Variants in CFAP61 observed in about 807,000 individuals in gnomAD.
The protein encoded by CFAP61 is cilia and flagella associated protein 61, also known as cilia- and flagella-associated protein 61.
Under a neutral mutation model 135.6 loss-of-function variants are expected in CFAP61, and 107 were observed. The observed-to-expected ratio is 0.79, with a 90% confidence interval of 0.67 to 0.93. The LOEUF (loss-of-function observed/expected upper bound fraction) is 0.93, where lower values mean the gene tolerates loss of function less well. Ranked by LOEUF, CFAP61 falls within the 40% of genes least tolerant of loss-of-function variation. The pLI is 0.00. For synonymous variants in CFAP61, 575 were observed against 578.5 expected (o/e 0.99, Z 0.09); for missense variants, 1,507 against 1,556.2 (o/e 0.97, Z 0.53).
At chr20:20,143,674 T>C (rs2051610802) in intron 9 of CFAP61, among the ~76,000 whole-genome samples, 1 of 152,176 alleles carries the variant, frequency 6.6e-6, no homozygotes, top group Non-Finnish European at 1.5e-5. Flanking sequence ...TTGTTTGCCT[T>C]GACAGACCTT....
chr20:20,122,298 G>A (rs2049716878), intron 8 of CFAP61, among the ~76,000 whole-genome samples: 1 of 152,078 alleles, frequency 6.6e-6, no homozygotes, highest in African/African-American at 2.4e-5. Context: ...TGGGACTACA[G>A]GGGTGCACCA....
intron 21 of CFAP61, among the ~76,000 whole-genome samples, chr20:20,268,963 C>T (rs1039617028): frequency 5.9e-5 from 9 of 151,818 alleles, no homozygotes; most frequent in Non-Finnish European, 1.0e-4. Context: ...CCACTGCATG[C>T]ATCATCGAAC....
At chr20:20,315,750 A>C (rs1301229938) in intron 25 of CFAP61, among the ~76,000 whole-genome samples, 3 of 152,168 alleles carry the variant, frequency 2.0e-5, no homozygotes, top group Middle Eastern at 3.2e-3. Context: ...TCAGCTTTCT[A>C]CATATGGCTA....
chr20:20,164,282 G>C lies in CFAP61; in HGVS notation c.1205+54G>C, dbSNP rs1425406848. 8 of 1,527,708 alleles carry C rather than the reference G, an allele frequency of 5.2e-6. No individual in the cohort carries two copies. The African/African-American group carries it at 5.5e-5, about 11-fold the overall frequency. 94.6% of individuals were successfully genotyped at this position (1,527,708 alleles called of 1,614,324 possible). On this transcript the variant is annotated intron_variant, in intron 11 of 26. Transcript: ENST00000245957. Reference sequence around the variant, plus strand: ...ACAGTGAGAATCTTTTCTGGCATTGGTGGCCCAACATTTTAACTTTACAGA... The same window carrying C: ...ACAGTGAGAATCTTTTCTGGCATTGCTGGCCCAACATTTTAACTTTACAGA...
intron 8 of CFAP61, among the ~76,000 whole-genome samples, chr20:20,124,176 A>G (rs1303751878): frequency 6.6e-6 from 1 of 151,482 alleles, no homozygotes; most frequent in African/African-American, 2.4e-5. Flanking sequence ...CAATCATCTC[A>G]TTGGTAAACA....
intron 15 of CFAP61, among the ~76,000 whole-genome samples, chr20:20,193,373 A>G (rs1041798028): frequency 2.6e-5 from 4 of 152,070 alleles, no homozygotes; most frequent in Admixed American, 1.3e-4. Context: ...AATTTTATCA[A>G]ATGTGTTTTT....
At chr20:20,356,290 AC>A (rs1467768233) in intron 26 of CFAP61, among the ~76,000 whole-genome samples, 1 of 136,698 alleles carries the variant, frequency 7.3e-6, no homozygotes, top group African/African-American at 2.8e-5. Context: ...GGTGGTAGTC[AC>A]ACTGAGAGGA....
In CFAP61 at chr20:20,277,259, T is replaced by A; in HGVS notation, c.2597T>A (p.Val866Glu). Residue 866 changes from valine to glutamate, a missense_variant, in exon 22 of 27, where the codon GTG (valine) becomes GAG (glutamate). Transcript: ENST00000245957. ...GTGAGCGGCAGCCGCATCCACCTCG[T>A]GCAGCCCCCGCCCGCCTCCACCATC... Reference protein sequence around the residue: ...LGVSGSRIHLVQPPPASTITC... With the variant: ...LGVSGSRIHLEQPPPASTITC... 2.5e-6 allele frequency: 4 copies of A among 1,614,062 alleles called. No individual in the cohort carries two copies. The highest frequency in any genetic ancestry group is 3.4e-6 in the Non-Finnish European group (4 of 1,180,032).
Position 20,142,942 on chromosome 20 carries a change from C to T in CFAP61, c.945C>T (p.Asn315=). The change falls in exon 9 of 27, where the codon AAC becomes AAT. Residue 315 remains asparagine, a synonymous_variant. Transcript: ENST00000245957. ...QEPVSPDTME[N]IQGNIAREAA... The stretch of plus-strand genomic sequence containing the variant: ...CTGTCTCTCCAGATACCATGGAAAA[C>T]ATCCAGGTGAGAGAGACTATCCCTC... 6.3e-7 allele frequency: 1 copy of T among 1,581,398 alleles called. No homozygotes were observed. The highest frequency in any genetic ancestry group is 2.3e-5 in the East Asian group (1 of 43,954).
At chr20:20,323,340 T>C (rs574395304) in intron 25 of CFAP61, 1 of 982,052 alleles carries the variant, frequency 1.0e-6, no homozygotes, top group Admixed American at 6.1e-5. Context: ...GACAGTCCCC[T>C]ACTTTCAAAC....
chr20:20,249,351 C>T (rs567631756), intron 19 of CFAP61, among the ~76,000 whole-genome samples: 3 of 151,638 alleles, frequency 2.0e-5, no homozygotes, highest in East Asian at 3.9e-4. Context: ...GCCTGGGCAA[C>T]GTAGGGAGAG....
At chr20:20,175,855 A>G (rs565654780) in intron 13 of CFAP61, among the ~76,000 whole-genome samples, 160 of 152,188 alleles carry the variant, frequency 1.1e-3, no homozygotes, top group African/African-American at 3.8e-3. Flanking sequence ...TTTAATGGGT[A>G]CGTCATCTGG....
intron 18 of CFAP61, among the ~76,000 whole-genome samples, chr20:20,229,538 T>A (rs1263144067): frequency 6.6e-6 from 1 of 151,830 alleles, no homozygotes; most frequent in Non-Finnish European, 1.5e-5. Flanking sequence ...GCCAGCAGAG[T>A]TCTTAGCTCA....
chr20:20,323,002 T>C, intron 25 of CFAP61: 1 of 985,460 alleles, frequency 1.0e-6, no homozygotes, highest in East Asian at 1.1e-4. Context: ...TTCAATAATG[T>C]CAGATGGCCC....
intron 17 of CFAP61, among the ~76,000 whole-genome samples, chr20:20,222,547 G>A (rs565152888): frequency 3.9e-5 from 6 of 152,232 alleles, no homozygotes; most frequent in South Asian, 2.1e-4. Context: ...ACCCCCAACC[G>A]AGAGGAAAGT....
At chr20:20,290,240 GCT>G (rs2054902102) in intron 23 of CFAP61, 58 bp from the exon 24 acceptor site, 3 of 1,040,706 alleles carry the variant, frequency 2.9e-6, no homozygotes, top group Non-Finnish European at 4.6e-6. Flanking sequence ...GAAAATATGA[GCT>G]CTGTTACTCA....
chr20:20,251,170 G>A (rs2050857376), intron 19 of CFAP61, among the ~76,000 whole-genome samples: 1 of 152,174 alleles, frequency 6.6e-6, no homozygotes, highest in Non-Finnish European at 1.5e-5. Context: ...CTGACCCCTG[G>A]CTTTGGGAAT....
intron 20 of CFAP61, among the ~76,000 whole-genome samples, chr20:20,258,725 G>A (rs577761292): frequency 2.8e-4 from 42 of 152,316 alleles, no homozygotes; most frequent in Non-Finnish European, 4.9e-4. Flanking sequence ...TAGGAGACAG[G>A]AGCCTGCTGC....
chr20:20,206,525 A>G (rs537745994), intron 17 of CFAP61, among the ~76,000 whole-genome samples: 2 of 152,196 alleles, frequency 1.3e-5, no homozygotes, highest in Admixed American at 6.5e-5. Flanking sequence ...TGCAACATAT[A>G]CTATGCGGTA....
Sources: gnomAD v4.1 joint callset for allele counts (sites outside exome capture counted in the v4.1 genomes callset) on GRCh38, gnomAD v4.1.1 for gene constraint, MANE v1.5 for transcripts, NCBI Gene and HGNC (gene_info 2026-07-23, HGNC 2026-07-21) for gene names.